Variants in BCCIP observed in about 807,000 individuals in gnomAD.
BCCIP encodes BRCA2 and CDKN1A-interacting protein.
A neutral mutation model predicts 32.8 loss-of-function variants in BCCIP; 23 were observed. That is an observed-to-expected ratio of 0.70 (90% confidence interval 0.51 to 0.99). The LOEUF is 0.99. Among genes scored for constraint, BCCIP ranks in the 50% least tolerant of loss-of-function variants. The probability of loss-of-function intolerance (pLI) is 0.00; values close to 1 mark genes in which losing one functional copy is unlikely to be tolerated. For missense variants in BCCIP, 378 were observed against 379.8 expected (o/e 1.00, Z 0.04); for synonymous variants, 144 against 137.6 (o/e 1.05, Z -0.33).
chr10:125,853,661 AG>A (rs1944120025), exon 8 of BCCIP: 1 of 289,524 alleles, frequency 3.5e-6, no homozygotes, highest in Non-Finnish European at 6.4e-6. Context: ...CCTTAGCTAA[AG>A]AAAAAATACT....
chr10:125,823,613 A>C lies in BCCIP; in HGVS notation c.56A>C (p.Asp19Ala). 1.2e-6 allele frequency: 2 copies of C among 1,614,076 alleles called. No individual in the cohort carries two copies. Among genetic ancestry groups the C allele is most frequent in the East Asian group, 2.2e-5 (1 of 44,854 alleles). ...GAAAGTGGGGTTCCGCAGCCGCCGG[A>C]TCCCCCAGTCCAGCGCGACGAGGAA... is the stretch of plus-strand genomic sequence containing the variant. The part of the protein sequence containing the change: ...AVESGVPQPP[D>A]PPVQRDEEEE... Residue 19 changes from aspartate to alanine, a missense_variant, in exon 1 of 7, where the codon GAT (aspartate) becomes GCT (alanine). Coordinates refer to ENST00000278100, the MANE Select transcript of BCCIP (RefSeq NM_078468.3).
At chr10:125,838,393 A>T (rs769814763), downstream of BCCIP, 1 of 1,558,492 alleles carries the variant, frequency 6.4e-7, no homozygotes, top group Non-Finnish European at 8.6e-7. Flanking sequence ...GCAATCTGAA[A>T]GGCAGAATTT....
chr10:125,852,327 C>T (rs374094237), intron 7 of BCCIP: 29 of 1,614,006 alleles, frequency 1.8e-5, no homozygotes, highest in South Asian at 6.6e-5. Flanking sequence ...GGCCTAGGCC[C>T]GCAATGTCTA....
At chr10:125,845,677 T>A (rs1306168810), downstream of BCCIP, among the ~76,000 whole-genome samples, 1 of 152,218 alleles carries the variant, frequency 6.6e-6, no homozygotes, top group African/African-American at 2.4e-5. Flanking sequence ...ATGTTAGAGA[T>A]AGAGTGGCCT....
intron 6 of BCCIP, among the ~76,000 whole-genome samples, chr10:125,834,472 A>G (rs1236380706): frequency 6.6e-6 from 1 of 152,032 alleles, no homozygotes; most frequent in Admixed American, 6.5e-5. Context: ...GGACAGCCAT[A>G]TACCAGAGAA....
chr10:125,830,420 T>C (rs1025869216), intron 3 of BCCIP, 142 bp from the exon 4 acceptor site: 1 of 490,524 alleles, frequency 2.0e-6, no homozygotes. Flanking sequence ...TAAAATACAA[T>C]GCTTTCTAAG....
chr10:125,824,062 C>T (rs1014057731), intron 1 of BCCIP, among the ~76,000 whole-genome samples: 5 of 152,234 alleles, frequency 3.3e-5, no homozygotes, highest in Non-Finnish European at 7.3e-5. Flanking sequence ...GCCCTCTCCC[C>T]TCGGGGCAGC....
intron 7 of BCCIP, among the ~76,000 whole-genome samples, chr10:125,851,506 G>A (rs983918157): frequency 6.6e-6 from 1 of 152,170 alleles, no homozygotes; most frequent in African/African-American, 2.4e-5. Flanking sequence ...GCAAGAAGAT[G>A]CCTAGGAAAT....
At chr10:125,853,004 T>C (rs753874478) in intron 7 of BCCIP, 26 of 721,534 alleles carry the variant, frequency 3.6e-5, no homozygotes, top group Non-Finnish European at 5.6e-5. Context: ...TGTTTCTTTA[T>C]AGTTTTGTTC....
At chr10:125,835,174 A>G (rs1008128028) in intron 6 of BCCIP, among the ~76,000 whole-genome samples, 1 of 151,916 alleles carries the variant, frequency 6.6e-6, no homozygotes, top group Admixed American at 6.6e-5. Context: ...AGGGGAACAT[A>G]TTTTCCTGAA....
chr10:125,844,897 ACTC>A (rs1473122625), downstream of BCCIP, among the ~76,000 whole-genome samples: 1 of 152,040 alleles, frequency 6.6e-6, no homozygotes, highest in African/African-American at 2.4e-5. Context: ...GCAAGGTCAC[ACTC>A]CTCCTCCACT....
downstream of BCCIP, among the ~76,000 whole-genome samples, chr10:125,837,107 C>T (rs1428553240): frequency 6.6e-6 from 1 of 152,210 alleles, no homozygotes; most frequent in Non-Finnish European, 1.5e-5. Context: ...TGCTGTCTAC[C>T]ACTAACCTTT....
intron 1 of BCCIP, among the ~76,000 whole-genome samples, chr10:125,825,089 T>C (rs570800079): frequency 2.6e-5 from 4 of 152,402 alleles, no homozygotes; most frequent in Admixed American, 2.6e-4. Context: ...GCTCTTTTAT[T>C]ACTTTTGGGT....
downstream of BCCIP, among the ~76,000 whole-genome samples, chr10:125,845,840 G>A (rs1424934371): frequency 6.6e-6 from 1 of 152,220 alleles, no homozygotes; most frequent in Non-Finnish European, 1.5e-5. Flanking sequence ...GCAGGCGGAG[G>A]CCAGCTCCTC....
chr10:125,841,274 T>C, downstream of BCCIP: 2 of 1,614,118 alleles, frequency 1.2e-6, no homozygotes, highest in Non-Finnish European at 1.7e-6. Flanking sequence ...AAACCTGAGG[T>C]GCTTGGAGGT....
chr10:125,838,981 G>A (rs751244294), downstream of BCCIP: 9 of 1,608,536 alleles, frequency 5.6e-6, no homozygotes, highest in African/African-American at 1.2e-4. Context: ...CTATGCTGAG[G>A]TGACCCCACC....
chr10:125,842,903 A>G (rs1262893915), downstream of BCCIP: 1 of 453,800 alleles, frequency 2.2e-6, no homozygotes, highest in East Asian at 1.6e-4. Flanking sequence ...TTAAAAATCC[A>G]TTTATTTAAA....
intron 7 of BCCIP, chr10:125,853,022 C>A: frequency 1.2e-6 from 1 of 830,946 alleles, no homozygotes; most frequent in Non-Finnish European, 1.9e-6. Flanking sequence ...TTCAAATCAA[C>A]CAGGATCTTG....
exon 8 of BCCIP, chr10:125,853,397 A>G: frequency 2.3e-6 from 1 of 430,366 alleles, no homozygotes. Context: ...AGTTTGAGAT[A>G]CCTTGTTTTC....
Sources: allele counts gnomAD v4.1 joint callset (sites outside exome capture counted in the v4.1 genomes callset), GRCh38; gene constraint gnomAD v4.1.1; transcripts MANE v1.5; gene names NCBI Gene and HGNC (gene_info 2026-07-23, HGNC 2026-07-21).